The following NRXN3 variants were observed in gnomAD, a reference collection of about 807,000 sequenced individuals.
The protein encoded by NRXN3 is neurexin III.
In NRXN3, 32 loss-of-function variants were observed where a neutral mutation model predicts 137.6. That is an observed-to-expected ratio of 0.23 (90% confidence interval 0.18 to 0.31). The LOEUF (loss-of-function observed/expected upper bound fraction) is 0.31, where lower values mean the gene tolerates loss of function less well. Ranked by LOEUF, NRXN3 falls within the 10% of genes least tolerant of loss-of-function variation. The pLI is 1.00. For synonymous variants in NRXN3, 798 were observed against 784.5 expected (o/e 1.02, Z -0.29); for missense variants, 1,574 against 2,062.5 (o/e 0.76, Z 4.59).
chr14:79,090,614 G>T (rs1335946961), intron 15 of NRXN3, among the ~76,000 whole-genome samples: 2 of 151,660 alleles, frequency 1.3e-5, no homozygotes, highest in Non-Finnish European at 2.9e-5. Flanking sequence ...TTCATATCTG[G>T]CCCCACCCCT....
chr14:78,985,144 A>G (rs2099499927), intron 14 of NRXN3, among the ~76,000 whole-genome samples: 2 of 152,204 alleles, frequency 1.3e-5, no homozygotes, highest in Admixed American at 6.5e-5. Flanking sequence ...CATACTTTGC[A>G]GAGTGCAGAC....
intron 19 of NRXN3, among the ~76,000 whole-genome samples, chr14:79,736,941 A>G (rs1024662018): frequency 6.6e-6 from 1 of 152,222 alleles, no homozygotes; most frequent in Non-Finnish European, 1.5e-5. Context: ...TCACCAACAT[A>G]GCCCTCTAAA....
chr14:78,720,484 C>T (rs576495166), intron 8 of NRXN3, among the ~76,000 whole-genome samples: 2 of 152,322 alleles, frequency 1.3e-5, no homozygotes, highest in African/African-American at 4.8e-5. Context: ...GGTCTTCCTT[C>T]CTGCCCCAGA....
At position 78,320,500 on chromosome 14, in the gene NRXN3, A is replaced by T. The variant is rs1227533027; in HGVS notation, c.757+22640A>T. Reference sequence around the variant, plus strand: ...TCGGCTTTGAGGAAATTGACTTGAGAATACTCCAAATAAACCCTTTACCTT... The same window carrying T: ...TCGGCTTTGAGGAAATTGACTTGAGTATACTCCAAATAAACCCTTTACCTT... On this transcript the variant is annotated intron_variant, in intron 4 of 20. Coordinates refer to ENST00000335750, the MANE Select transcript of NRXN3 (RefSeq NM_001330195.2). Among the ~76,000 whole-genome samples, 4 of 152,118 alleles carry T rather than the reference A, an allele frequency of 2.6e-5. No individual in the cohort carries two copies. In the South Asian group the frequency reaches 8.3e-4, roughly 32 times the overall value.
rs1301970353 is a variant in NRXN3, at chr14:79,863,025, A to C, written c.*1061A>C. Reference sequence around the variant, plus strand: ...ATTGAAATGCATGCAAATAAAAAAGACAATATTAAAGTCTGTTATCAAACC... The same window carrying C: ...ATTGAAATGCATGCAAATAAAAAAGCCAATATTAAAGTCTGTTATCAAACC... On this transcript the variant is annotated 3_prime_UTR_variant, in exon 21 of 21. Transcript: ENST00000335750. The C allele has an allele frequency of 6.6e-6, 1 of 152,614 alleles. No homozygotes were observed. The highest frequency in any genetic ancestry group is 1.9e-4 in the East Asian group (1 of 5,190). The allele number at this position is 152,614 out of a possible 1,614,324, so 9.5% of individuals were successfully genotyped here.
intron 20 of NRXN3, among the ~76,000 whole-genome samples, chr14:79,813,589 T>C (rs1229954848): frequency 6.6e-6 from 1 of 152,158 alleles, no homozygotes; most frequent in Non-Finnish European, 1.5e-5. Flanking sequence ...GCCATCCTAA[T>C]CTCAAATTCC....
intron 10 of NRXN3, among the ~76,000 whole-genome samples, chr14:78,944,364 G>C (rs1021913207): frequency 3.3e-5 from 5 of 152,178 alleles, no homozygotes; most frequent in Non-Finnish European, 7.3e-5. Flanking sequence ...GTAAAATGAA[G>C]GGTTATTCTT....
chr14:79,138,266 G>A (rs187424995), intron 15 of NRXN3, among the ~76,000 whole-genome samples: 5 of 152,162 alleles, frequency 3.3e-5, no homozygotes, highest in South Asian at 4.1e-4. Flanking sequence ...TGATCCTTAC[G>A]CCTCATCCTC....
chr14:78,616,986 C>T (rs1246160220), intron 4 of NRXN3, among the ~76,000 whole-genome samples: 2 of 152,162 alleles, frequency 1.3e-5, no homozygotes, highest in Admixed American at 1.3e-4. Context: ...TCAGTGGGCC[C>T]AGTGTCCCCA....
At chr14:78,464,263 C>T (rs868236827) in intron 4 of NRXN3, among the ~76,000 whole-genome samples, 10 of 152,054 alleles carry the variant, frequency 6.6e-5, no homozygotes, top group African/African-American at 2.2e-4. Context: ...ACCGTGTTGG[C>T]CAGACTGGTC....
At chr14:79,358,603 GAAAGAGAAAGAA>G (rs1442404252) in intron 15 of NRXN3, among the ~76,000 whole-genome samples, 23 of 87,032 alleles carry the variant, frequency 2.6e-4, no homozygotes, top group African/African-American at 7.4e-4. Context: ...AAGAAAGAAA[GAAAGAGAAAGAA>G]AGAAAGAAAG....
intron 16 of NRXN3, among the ~76,000 whole-genome samples, chr14:79,470,947 A>AGTGTGTGTGT (rs777013517): frequency 9.7e-6 from 1 of 102,668 alleles, no homozygotes; most frequent in Admixed American, 9.4e-5. Context: ...AGAAAGAGAG[A>AGTGTGTGTGT]GAGAGTGTGT....
intron 15 of NRXN3, among the ~76,000 whole-genome samples, chr14:79,078,481 A>G (rs2046350495): frequency 6.6e-6 from 1 of 152,226 alleles, no homozygotes; most frequent in Admixed American, 6.5e-5. Flanking sequence ...ACTCTAATGC[A>G]AAATGATGCC....
intron 4 of NRXN3, among the ~76,000 whole-genome samples, chr14:78,377,726 C>T (rs1255275610): frequency 6.6e-6 from 1 of 152,178 alleles, no homozygotes; most frequent in Non-Finnish European, 1.5e-5. Flanking sequence ...CTTGGTGTGC[C>T]TGCACATCCC....
At chr14:79,290,529 A>G (rs570935785) in intron 15 of NRXN3, among the ~76,000 whole-genome samples, 1 of 152,298 alleles carries the variant, frequency 6.6e-6, no homozygotes, top group South Asian at 2.1e-4. Flanking sequence ...TTGAGGTTGC[A>G]GCACAGTCAA....
intron 4 of NRXN3, among the ~76,000 whole-genome samples, chr14:78,337,123 T>C (rs1022207930): frequency 2.0e-5 from 3 of 152,154 alleles, no homozygotes; most frequent in African/African-American, 7.2e-5. Context: ...TGTCTTAAGG[T>C]GCGAAATAAT....
chr14:78,738,780 G>A lies in NRXN3; in HGVS notation c.2044+23641G>A, dbSNP rs149243536. Among the ~76,000 whole-genome samples the A allele has an allele frequency of 2.6e-5, 4 of 152,162 alleles. No individual in the cohort carries two copies. The East Asian group carries it at 5.8e-4, about 22-fold the overall frequency. On this transcript the variant is annotated intron_variant, in intron 8 of 20. Coordinates refer to ENST00000335750, the MANE Select transcript of NRXN3 (RefSeq NM_001330195.2). ...TTTAACACTGTGGTGAGGGGTGGGG[G>A]GGTGCTTTAAAACCAGAGCCACAAG... is the stretch of plus-strand genomic sequence containing the variant.
intron 16 of NRXN3, among the ~76,000 whole-genome samples, chr14:79,559,585 A>G (rs2097467907): frequency 6.6e-6 from 1 of 152,176 alleles, no homozygotes; most frequent in South Asian, 2.1e-4. Flanking sequence ...AATAATAATG[A>G]AAACATTTGA....
chr14:78,977,037 C>A (rs1454427905), intron 14 of NRXN3, among the ~76,000 whole-genome samples: 5 of 152,170 alleles, frequency 3.3e-5, no homozygotes, highest in Non-Finnish European at 7.4e-5. Context: ...TTAATCTTCA[C>A]ACCATATGAT....
Sources: allele counts gnomAD v4.1 joint callset (sites outside exome capture counted in the v4.1 genomes callset), GRCh38; gene constraint gnomAD v4.1.1; transcripts MANE v1.5; gene names NCBI Gene and HGNC (gene_info 2026-07-23, HGNC 2026-07-21).